Variants in NTRK2 observed in about 807,000 individuals in gnomAD.
NTRK2 encodes the protein neurotrophic receptor tyrosine kinase 2.
In NTRK2, 13 loss-of-function variants were observed where a neutral mutation model predicts 94.5. That is an observed-to-expected ratio of 0.14 (90% CI 0.09 to 0.22). NTRK2 has a LOEUF of 0.22. Among genes scored for constraint, NTRK2 ranks in the 10% least tolerant of loss-of-function variants. NTRK2 has a pLI of 1.00. For missense variants in NTRK2, 639 were observed against 1,071.2 expected (o/e 0.60, Z 5.63); for synonymous variants, 372 against 407.4 (o/e 0.91, Z 1.05).
At chr9:85,003,252 A>G (rs772540597) in intron 17 of NTRK2, among the ~76,000 whole-genome samples, 1 of 152,142 alleles carries the variant, frequency 6.6e-6, no homozygotes, top group Non-Finnish European at 1.5e-5. Flanking sequence ...AAGTGAGACA[A>G]AAACAAATGG....
chr9:84,816,307 A>C (rs543633423), intron 12 of NTRK2, among the ~76,000 whole-genome samples: 3 of 152,106 alleles, frequency 2.0e-5, no homozygotes, highest in Non-Finnish European at 4.4e-5. Flanking sequence ...CATTTTTCCC[A>C]TTGAAAACAG....
At chr9:84,913,188 AC>A (rs1219482757) in intron 14 of NTRK2, among the ~76,000 whole-genome samples, 9 of 151,612 alleles carry the variant, frequency 5.9e-5, no homozygotes, top group African/African-American at 2.2e-4. Flanking sequence ...TTTTTTATTT[AC>A]CTGTAGTGTT....
chr9:84,678,180 G>A (rs1247042797), intron 2 of NTRK2, among the ~76,000 whole-genome samples: 1 of 152,172 alleles, frequency 6.6e-6, no homozygotes, highest in African/African-American at 2.4e-5. Context: ...GAATAATTGA[G>A]AATGTGCTTC....
chr9:84,945,590 G>C (rs1439307889), intron 15 of NTRK2, among the ~76,000 whole-genome samples: 1 of 152,172 alleles, frequency 6.6e-6, no homozygotes, highest in Non-Finnish European at 1.5e-5. Flanking sequence ...CTGTGCAAGA[G>C]GGATGCAAAG....
intron 9 of NTRK2, among the ~76,000 whole-genome samples, chr9:84,737,938 C>T (rs929873893): frequency 2.6e-5 from 4 of 151,430 alleles, no homozygotes; most frequent in African/African-American, 4.9e-5. Flanking sequence ...ATGCTCAACA[C>T]GTTCTTCAGA....
At position 84,948,453 on chromosome 9, in the gene NTRK2, C is replaced by T. The variant is rs200519922; in HGVS notation, c.1765-9C>T. 2.2e-5 allele frequency: 35 copies of T among 1,613,856 alleles called. No individual in the cohort carries two copies. The highest frequency in any genetic ancestry group is 2.7e-5 in the Non-Finnish European group (32 of 1,179,924). On this transcript the variant is annotated splice_polypyrimidine_tract_variant and intron_variant, in intron 15 of 18. Transcript: ENST00000277120. ...GAAGTAATCCTTCTCTTTTAACACC[C>T]ATCCCCAGACCCTGAAGGATGCCAG...
At chr9:84,704,559 A>C (rs1278205582) in intron 4 of NTRK2, among the ~76,000 whole-genome samples, 1 of 152,106 alleles carries the variant, frequency 6.6e-6, no homozygotes, top group Admixed American at 6.5e-5. Flanking sequence ...CAGCTTATAT[A>C]AAGTCAAATA....
At chr9:84,949,827 C>T (rs1457569566) in intron 16 of NTRK2, among the ~76,000 whole-genome samples, 9 of 152,144 alleles carry the variant, frequency 5.9e-5, no homozygotes, top group Admixed American at 5.9e-4. Flanking sequence ...ATGATGGGTA[C>T]AGGGAACTGG....
intron 12 of NTRK2, among the ~76,000 whole-genome samples, chr9:84,827,759 G>T (rs1342688534): frequency 6.6e-6 from 1 of 152,100 alleles, no homozygotes; most frequent in Non-Finnish European, 1.5e-5. Flanking sequence ...TGTTGTCTAT[G>T]TCCTCCTGGA....
intron 12 of NTRK2, among the ~76,000 whole-genome samples, chr9:84,850,796 A>G (rs1331773387): frequency 6.6e-6 from 1 of 152,156 alleles, no homozygotes; most frequent in East Asian, 1.9e-4. Context: ...TGTTGGGAGC[A>G]GTAGAAAGAA....
In NTRK2 at chr9:85,022,326, G is replaced by A. The variant is rs1026827033; in HGVS notation, c.*889G>A. The A allele has an allele frequency of 1.7e-5, 4 of 233,132 alleles. No individual in the cohort carries two copies. Among genetic ancestry groups the A allele is most frequent in the East Asian group, 6.0e-5 (1 of 16,570 alleles). The allele number at this position is 233,132 out of a possible 1,614,324, so 14.4% of individuals were successfully genotyped here. ...GCAGTAGAGAGCAAAGATGGCTTCC[G>A]TGAGACACAAGATGGCGCATAGTGT... On this transcript the variant is annotated 3_prime_UTR_variant, in exon 19 of 19. Coordinates refer to ENST00000277120, the MANE Select transcript of NTRK2 (RefSeq NM_006180.6).
chr9:84,848,634 G>C (rs2074594067), intron 12 of NTRK2, among the ~76,000 whole-genome samples: 1 of 152,158 alleles, frequency 6.6e-6, no homozygotes, highest in Non-Finnish European at 1.5e-5. Flanking sequence ...AAGAAAGCCG[G>C]AAGTCTGAGA....
intron 17 of NTRK2, among the ~76,000 whole-genome samples, chr9:84,959,272 G>A (rs1398823387): frequency 6.6e-6 from 1 of 152,188 alleles, no homozygotes; most frequent in African/African-American, 2.4e-5. Flanking sequence ...GGACACAGTT[G>A]TGTGTGGGTT....
intron 12 of NTRK2, among the ~76,000 whole-genome samples, chr9:84,816,647 C>T (rs537192403): frequency 2.0e-5 from 3 of 151,824 alleles, no homozygotes; most frequent in African/African-American, 7.2e-5. Context: ...GGCGTGGTGG[C>T]GGGCGCCTGT....
chr9:84,846,563 G>T (rs62562453), intron 12 of NTRK2, among the ~76,000 whole-genome samples: 5,929 of 152,264 alleles, frequency 0.039, 188 homozygotes, highest in Non-Finnish European at 0.058. Flanking sequence ...TAAAGATTGG[G>T]CTTAGATGAT....
intron 12 of NTRK2, among the ~76,000 whole-genome samples, chr9:84,770,671 T>C (rs1396243463): frequency 6.6e-6 from 1 of 152,374 alleles, no homozygotes; most frequent in Non-Finnish European, 1.5e-5. Context: ...TAAAAGTTAA[T>C]TTAAAAATGA....
At chr9:84,931,935 A>C (rs2078051750) in intron 14 of NTRK2, among the ~76,000 whole-genome samples, 1 of 152,170 alleles carries the variant, frequency 6.6e-6, no homozygotes, top group Non-Finnish European at 1.5e-5. Flanking sequence ...TCTTAAATTC[A>C]GTCGTTGTCA....
chr9:84,762,072 A>T (rs373664757), intron 12 of NTRK2, among the ~76,000 whole-genome samples: 43 of 152,168 alleles, frequency 2.8e-4, no homozygotes, highest in African/African-American at 8.2e-4. Flanking sequence ...TCTCTTGCAC[A>T]CTGTCATGTA....
At chr9:84,928,816 C>T (rs570085898) in intron 14 of NTRK2, among the ~76,000 whole-genome samples, 2 of 152,288 alleles carry the variant, frequency 1.3e-5, no homozygotes, top group South Asian at 4.2e-4. Flanking sequence ...TTCGGGAACT[C>T]CCAGTACAGG....
Sources: allele counts gnomAD v4.1 joint callset (sites outside exome capture counted in the v4.1 genomes callset), GRCh38; gene constraint gnomAD v4.1.1; transcripts MANE v1.5; gene names NCBI Gene and HGNC (gene_info 2026-07-23, HGNC 2026-07-21).